ENPP1: variants seen among roughly 807,000 people sequenced by gnomAD.
ENPP1 encodes the protein ectonucleotide pyrophosphatase/phosphodiesterase family member 1.
In ENPP1, 73 loss-of-function variants were observed where a neutral mutation model predicts 122.8. The observed-to-expected ratio is 0.59, with a 90% CI of 0.49 to 0.72. The LOEUF (loss-of-function observed/expected upper bound fraction) is 0.72, where lower values mean the gene tolerates loss of function less well. Ranked by LOEUF, ENPP1 falls within the 30% of genes least tolerant of loss-of-function variation. The pLI is 0.00. For missense variants in ENPP1, 978 were observed against 1,128.1 expected (o/e 0.87, Z 1.91); for synonymous variants, 367 against 391.6 (o/e 0.94, Z 0.74).
rs1273825752 is a variant in ENPP1 at position 131,865,771 on chromosome 6, A to G, written c.1164+833A>G. Among the ~76,000 whole-genome samples, 12 of 152,194 alleles carry G rather than the reference A, an allele frequency of 7.9e-5. No homozygotes were observed. In the East Asian group the frequency reaches 2.3e-3, roughly 29 times the overall value. Reference sequence around the variant, plus strand: ...CACTTTGGGAGGCTGAGGCAGGTGGATCACCTGAGGTCAGGAATTTGAGGC... The same window carrying G: ...CACTTTGGGAGGCTGAGGCAGGTGGGTCACCTGAGGTCAGGAATTTGAGGC... On this transcript the variant is annotated intron_variant, in intron 11 of 24. Coordinates refer to ENST00000647893, the MANE Select transcript of ENPP1 (RefSeq NM_006208.3).
rs199890118 is a variant in ENPP1 at position 131,877,066 on chromosome 6, T to C, written c.1798T>C (p.Tyr600His). ...SLNHLLKNPV[Y>H]TPKHPKEVHP... is the part of the protein sequence containing the mutation. The stretch of plus-strand genomic sequence containing the variant: ...TAACCACCTTCTAAAGAATCCTGTT[T>C]ATACGCCAAAGCATCCCAAAGAAGT... The change falls in exon 18 of 25, where the codon TAT becomes CAT. Residue 600 changes from tyrosine to histidine, a missense_variant. This residue lies in a region of ENPP1 where 644 missense variants were observed against 781.5 expected (regional missense o/e 0.82). Transcript: ENST00000647893. 214 of 1,613,968 alleles carry C rather than the reference T, an allele frequency of 1.3e-4. No individual in the cohort carries two copies. The highest frequency in any genetic ancestry group is 1.6e-4 in the Non-Finnish European group (184 of 1,179,996).
At chr6:131,809,480 A>G (rs148650369) in intron 1 of ENPP1, among the ~76,000 whole-genome samples, 104 of 152,344 alleles carry the variant, frequency 6.8e-4, no homozygotes, top group Middle Eastern at 3.4e-3. Context: ...AAGCCACATG[A>G]TGTTTGCATC....
intron 11 of ENPP1, among the ~76,000 whole-genome samples, chr6:131,867,497 A>C (rs577161974): frequency 6.6e-6 from 1 of 152,250 alleles, no homozygotes; most frequent in Non-Finnish European, 1.5e-5. Flanking sequence ...ACATTGAATT[A>C]TAAGAAGCAT....
chr6:131,890,452 C>T lies in ENPP1; in HGVS notation c.2719C>T (p.Pro907Ser). The stretch of plus-strand genomic sequence containing the variant: ...CAGCTTCTATCAACAAAGAAAAGAG[C>T]CAGTTTCAGACATTTTAAAGTTGAA... ...GLSFYQQRKEPVSDILKLKTH... is the reference protein window; with the variant it reads ...GLSFYQQRKESVSDILKLKTH... Residue 907 changes from proline (P) to serine (S), a missense_variant, in exon 25 of 25, where the codon CCA (proline) becomes TCA (serine). Transcript: ENST00000647893. 1 of 1,613,700 alleles carries T rather than the reference C, an allele frequency of 6.2e-7. No individual in the cohort carries two copies. Among genetic ancestry groups the T allele is most frequent in the South Asian group, 1.1e-5 (1 of 91,070 alleles).
rs1562183376 is a variant in ENPP1, at chr6:131,877,869, ATATAT to A, written c.1894-672_1894-668del. 146 of 52,838 alleles carry A rather than the reference ATATAT, an allele frequency of 2.8e-3. 1 individual carries two copies. The highest frequency in any genetic ancestry group is 3.3e-3 in the African/African-American group (49 of 14,970). 3.3% of individuals were successfully genotyped at this position (52,838 alleles called of 1,614,324 possible). ...AAAAAAAAAAAAAAAAAAAAAAAATATATATATATATATATATATATATATATATA... is the reference window on the plus strand; with the variant it reads ...AAAAAAAAAAAAAAAAAAAAAAAATAATATATATATATATATATATATATA... On this transcript the variant is annotated intron_variant, in intron 18 of 24. Transcript: ENST00000647893.
At position 131,823,385 on chromosome 6, in the gene ENPP1, G is replaced by A. The variant is rs114296145; in HGVS notation, c.240+15110G>A. On this transcript the variant is annotated intron_variant, in intron 1 of 24. Coordinates refer to ENST00000647893, the MANE Select transcript of ENPP1 (RefSeq NM_006208.3). ...TATTATGTGCATACTTTGTATTAAG[G>A]AGATTGTAGGGCTCAGATATGTTTC... 4.3e-3 allele frequency among the ~76,000 whole-genome samples: 651 copies of A among 152,068 alleles called. 9 individuals carry two copies. The highest frequency in any genetic ancestry group is 0.015 in the African/African-American group (615 of 41,456).
Position 131,877,026 on chromosome 6 carries a change from A to T in ENPP1, c.1758A>T (p.Gly586=). The T allele has an allele frequency of 6.2e-7, 1 of 1,614,110 alleles. No individual in the cohort carries two copies. Among genetic ancestry groups the T allele is most frequent in the Non-Finnish European group, 8.5e-7 (1 of 1,179,994 alleles). ...LLNLTPAPNN[G]THGSLNHLLK... ...ATTTGACACCGGCTCCTAATAACGG[A>T]ACTCATGGAAGTCTTAACCACCTTC... is the stretch of plus-strand genomic sequence containing the variant. Residue 586 remains glycine (G), a synonymous_variant, in exon 18 of 25, where the codon GGA becomes GGT. Coordinates refer to ENST00000647893, the MANE Select transcript of ENPP1 (RefSeq NM_006208.3).
At chr6:131,866,680 C>T (rs1782096140) in intron 11 of ENPP1, among the ~76,000 whole-genome samples, 1 of 152,190 alleles carries the variant, frequency 6.6e-6, no homozygotes, top group Non-Finnish European at 1.5e-5. Context: ...TCCAGCAGCT[C>T]CACTGTAGTT....
At chr6:131,880,877 G>A (rs1782296467) in intron 20 of ENPP1, among the ~76,000 whole-genome samples, 1 of 152,160 alleles carries the variant, frequency 6.6e-6, no homozygotes, top group Non-Finnish European at 1.5e-5. Flanking sequence ...GAGGAGTTAG[G>A]CCTTGAAAGG....
At chr6:131,828,326 A>G in intron 1 of ENPP1, 1 of 460,520 alleles carries the variant, frequency 2.2e-6, no homozygotes, top group Admixed American at 2.5e-5. Flanking sequence ...ATGATGTAAT[A>G]CCAGAAGACA....
At chr6:131,872,161 A>G in intron 14 of ENPP1, 60 bp downstream of exon 14, 1 of 1,190,036 alleles carries the variant, frequency 8.4e-7, no homozygotes, top group Admixed American at 1.7e-5. Flanking sequence ...ATATATTGAG[A>G]GAAAAGTTTC....
At chr6:131,844,833 A>T (rs913962655) in intron 1 of ENPP1, among the ~76,000 whole-genome samples, 4 of 152,166 alleles carry the variant, frequency 2.6e-5, no homozygotes, top group Non-Finnish European at 4.4e-5. Flanking sequence ...CCTCTTGGAG[A>T]CATTTCATAA....
At chr6:131,827,280 G>A in intron 1 of ENPP1, 2 of 1,310,330 alleles carry the variant, frequency 1.5e-6, no homozygotes, top group Non-Finnish European at 2.2e-6. Flanking sequence ...GAAGCGTCTG[G>A]AATAAAAAGG....
chr6:131,817,701 ATC>A (rs146003691), intron 1 of ENPP1, among the ~76,000 whole-genome samples: 9 of 141,002 alleles, frequency 6.4e-5, no homozygotes, highest in Non-Finnish European at 7.8e-5. Flanking sequence ...CCCCATGTCT[ATC>A]TCTCTCTCTC....
At chr6:131,855,073 T>A in intron 6 of ENPP1, 50 bp downstream of exon 6, 1 of 1,277,524 alleles carries the variant, frequency 7.8e-7, no homozygotes, top group Non-Finnish European at 1.1e-6. Context: ...TCAGTGAGAT[T>A]GACTAGGCAG....
intron 11 of ENPP1, among the ~76,000 whole-genome samples, 171 bp from the exon 12 acceptor site, chr6:131,867,847 T>C (rs917558378): frequency 6.6e-6 from 1 of 152,212 alleles, no homozygotes; most frequent in Admixed American, 6.5e-5. Flanking sequence ...CTTAGTCTAA[T>C]GTGAATCAGC....
chr6:131,871,614 T>C (rs1782162891), intron 13 of ENPP1, among the ~76,000 whole-genome samples: 1 of 152,226 alleles, frequency 6.6e-6, no homozygotes. Flanking sequence ...GAGTATTTCC[T>C]AGGGAACAAG....
intron 13 of ENPP1, among the ~76,000 whole-genome samples, 183 bp downstream of exon 13, chr6:131,869,672 G>A (rs971415872): frequency 3.3e-5 from 5 of 151,306 alleles, no homozygotes; most frequent in Admixed American, 6.6e-5. Flanking sequence ...ATACATATAC[G>A]ATACTATACT....
At chr6:131,854,760 G>C (rs140012228) in intron 5 of ENPP1, among the ~76,000 whole-genome samples, 166 bp from the exon 6 acceptor site, 1 of 152,084 alleles carries the variant, frequency 6.6e-6, no homozygotes, top group African/African-American at 2.4e-5. Context: ...CATGTAAAAC[G>C]TACTTTATAA....
Sources: gnomAD v4.1 joint callset for allele counts (sites outside exome capture counted in the v4.1 genomes callset) on GRCh38, gnomAD v4.1.1 for gene constraint, gnomAD v4.1.1 regional missense constraint, MANE v1.5 for transcripts, NCBI Gene and HGNC (gene_info 2026-07-23, HGNC 2026-07-21) for gene names.